FBXW8: variants seen among roughly 807,000 people sequenced by gnomAD.
FBXW8 encodes the protein F-box/WD repeat-containing protein 8.
In FBXW8, 57 loss-of-function variants were observed where a neutral mutation model predicts 65.3. That is an observed-to-expected ratio of 0.87 (90% CI 0.71 to 1.09). FBXW8 has a LOEUF of 1.09. FBXW8 is among the 50% of genes least tolerant of loss of function. FBXW8 has a pLI of 0.00. For missense variants in FBXW8, 777 were observed against 814.8 expected (o/e 0.95, Z 0.57); for synonymous variants, 308 against 330.2 (o/e 0.93, Z 0.73).
intron 2 of FBXW8, among the ~76,000 whole-genome samples, chr12:116,934,264 G>A (rs971992522): frequency 9.2e-5 from 14 of 152,048 alleles, no homozygotes; most frequent in African/African-American, 3.4e-4. Flanking sequence ...TTTTGATGCT[G>A]AGGTCTCCAG....
chr12:116,993,799 C>T (rs73397493), intron 7 of FBXW8, among the ~76,000 whole-genome samples: 3,575 of 152,176 alleles, frequency 0.023, 147 homozygotes, highest in African/African-American at 0.081. Flanking sequence ...GGATTTTAGA[C>T]GTAAATTATT....
At chr12:116,911,485 C>A (rs1879940184) in intron 1 of FBXW8, 130 bp downstream of exon 1, 2 of 591,578 alleles carry the variant, frequency 3.4e-6, no homozygotes, top group Non-Finnish European at 4.9e-6. Context: ...CGCACAAACA[C>A]CAATGTTTGT....
At chr12:116,927,614 T>G (rs1186796446) in intron 1 of FBXW8, among the ~76,000 whole-genome samples, 1 of 152,078 alleles carries the variant, frequency 6.6e-6, no homozygotes, top group Non-Finnish European at 1.5e-5. Context: ...GGAAGAGGGG[T>G]GGCCTCCCTG....
rs943862262 is a variant in FBXW8, at chr12:117,029,957, A to G, written c.*1785A>G. On this transcript the variant is annotated 3_prime_UTR_variant, in exon 11 of 11. Coordinates refer to ENST00000652555, the MANE Select transcript of FBXW8 (RefSeq NM_153348.3). ...AAAGACAAAATATACAACTCTTGAT[A>G]AAACATAAAGGTACAGTGGTCTATG... The G allele has an allele frequency of 6.6e-6, 1 of 152,134 alleles. No individual in the cohort carries two copies. The highest frequency in any genetic ancestry group is 1.5e-5 in the Non-Finnish European group (1 of 68,020). 9.4% of individuals were successfully genotyped at this position (152,134 alleles called of 1,614,324 possible). A position where few individuals can be genotyped will look rare whatever the true frequency, so the allele number is the denominator to read the frequency against.
In FBXW8 at chr12:116,921,822, CTT is replaced by C. The variant is rs11449832; in HGVS notation, c.319-6178_319-6177del. ...TGTTAACATTTTGGTGTATTTCTGA[CTT>C]TTTTTTTTTTTTTTTTTTTTTTAGA... On this transcript the variant is annotated intron_variant, in intron 1 of 10. Transcript: ENST00000652555. 7.6e-3 allele frequency among the ~76,000 whole-genome samples: 757 copies of C among 99,292 alleles called. 25 individuals are homozygous for C. In the South Asian group the frequency reaches 0.1, roughly 14 times the overall value. 65.1% of individuals were successfully genotyped at this position (99,292 alleles called of 152,430 possible). A position where few individuals can be genotyped will look rare whatever the true frequency, so the allele number is the denominator to read the frequency against.
chr12:116,934,114 A>T (rs538361399), intron 2 of FBXW8, among the ~76,000 whole-genome samples: 1 of 152,280 alleles, frequency 6.6e-6, no homozygotes, highest in African/African-American at 2.4e-5. Flanking sequence ...TTGAGATTTA[A>T]TTATCCCACA....
At position 116,982,650 on chromosome 12, in the gene FBXW8, ACT is replaced by A. The variant is rs1885394822; in HGVS notation, c.836-2553_836-2552del. ...TTTTTTTTTTTTTTTTCCCAAAAAG[ACT>A]CTTCTCAGGATAGCTCTGTGCTACT... On this transcript the variant is annotated intron_variant, in intron 5 of 10. Transcript: ENST00000652555. 2.0e-5 allele frequency among the ~76,000 whole-genome samples: 3 copies of A among 148,024 alleles called. No individual in the cohort carries two copies. The South Asian group carries it at 6.4e-4, about 31-fold the overall frequency.
intron 7 of FBXW8, among the ~76,000 whole-genome samples, chr12:117,009,575 C>T (rs534164824): frequency 6.6e-6 from 1 of 152,166 alleles, no homozygotes; most frequent in Non-Finnish European, 1.5e-5. Context: ...GTGACTGACA[C>T]ATAGGAAGCA....
At chr12:117,025,568 C>T (rs1954205801) in intron 9 of FBXW8, among the ~76,000 whole-genome samples, 1 of 152,200 alleles carries the variant, frequency 6.6e-6, no homozygotes, top group Non-Finnish European at 1.5e-5. Flanking sequence ...GCAGAATGGG[C>T]TTCTTCCTTG....
At chr12:116,960,550 C>G (rs907380213) in intron 4 of FBXW8, among the ~76,000 whole-genome samples, 1 of 152,116 alleles carries the variant, frequency 6.6e-6, no homozygotes, top group South Asian at 2.1e-4. Flanking sequence ...AGCTTATCCC[C>G]TGTTTTATAG....
At chr12:117,026,478 G>A (rs1954231215) in intron 9 of FBXW8, among the ~76,000 whole-genome samples, 1 of 152,068 alleles carries the variant, frequency 6.6e-6, no homozygotes, top group African/African-American at 2.4e-5. Context: ...TTCCTTCTGT[G>A]GGTGTCCCAA....
intron 2 of FBXW8, 22 bp downstream of exon 2, chr12:116,928,149 T>G (rs568775816): frequency 7.1e-7 from 1 of 1,414,436 alleles, no homozygotes; most frequent in Non-Finnish European, 1.0e-6. Context: ...CCAACAGATG[T>G]TCCAGATTTT....
At position 116,928,201 on chromosome 12, in the gene FBXW8, G is replaced by A; in HGVS notation, c.423+74G>A. The A allele has an allele frequency of 5.5e-6, 5 of 912,696 alleles. No individual in the cohort carries two copies. In the South Asian group the frequency reaches 7.4e-5, roughly 13 times the overall value. 56.5% of individuals were successfully genotyped at this position (912,696 alleles called of 1,614,324 possible). A position where few individuals can be genotyped will look rare whatever the true frequency, so the allele number is the denominator to read the frequency against. On this transcript the variant is annotated intron_variant, in intron 2 of 10. Transcript: ENST00000652555. Reference sequence around the variant, plus strand: ...AGGTATAGGACTCTCCGGGGTAATAGAAATTTACTCACAGAATTATAAACT... The same window carrying A: ...AGGTATAGGACTCTCCGGGGTAATAAAAATTTACTCACAGAATTATAAACT...
At chr12:116,933,140 A>G (rs1881902523) in intron 2 of FBXW8, among the ~76,000 whole-genome samples, 1 of 152,178 alleles carries the variant, frequency 6.6e-6, no homozygotes, top group Admixed American at 6.5e-5. Context: ...AACTTTACAC[A>G]TTGGCCTGCT....
chr12:116,917,289 T>G (rs975191311), intron 1 of FBXW8, among the ~76,000 whole-genome samples: 1 of 152,198 alleles, frequency 6.6e-6, no homozygotes, highest in Non-Finnish European at 1.5e-5. Context: ...CTGCCTTGGG[T>G]AACCATTTTA....
At chr12:117,025,743 T>G (rs1201536567) in intron 9 of FBXW8, among the ~76,000 whole-genome samples, 1 of 152,166 alleles carries the variant, frequency 6.6e-6, no homozygotes, top group African/African-American at 2.4e-5. Context: ...AAACGGCAAC[T>G]AAAACTCCCG....
chr12:116,962,191 C>T (rs777962412), intron 4 of FBXW8, among the ~76,000 whole-genome samples: 3 of 152,174 alleles, frequency 2.0e-5, no homozygotes, highest in Non-Finnish European at 2.9e-5. Context: ...GGACCAACCT[C>T]CTCTGTGGGA....
At chr12:116,984,284 C>G (rs1592923048) in intron 5 of FBXW8, among the ~76,000 whole-genome samples, 4 of 152,286 alleles carry the variant, frequency 2.6e-5, no homozygotes, top group South Asian at 4.1e-4. Flanking sequence ...TGGTGCCTGA[C>G]AGTCTGCATT....
chr12:116,925,756 G>C (rs1434966593), intron 1 of FBXW8, among the ~76,000 whole-genome samples: 1 of 152,200 alleles, frequency 6.6e-6, no homozygotes, highest in Non-Finnish European at 1.5e-5. Context: ...CCATCATAAT[G>C]CATGCATTAA....
Sources: gnomAD v4.1 joint callset for allele counts (sites outside exome capture counted in the v4.1 genomes callset) on GRCh38, gnomAD v4.1.1 for gene constraint, MANE v1.5 for transcripts, NCBI Gene and HGNC (gene_info 2026-07-23, HGNC 2026-07-21) for gene names.